The following GNS variants were observed in gnomAD, a reference collection of about 807,000 sequenced individuals.
GNS encodes the protein N-acetylglucosamine-6-sulfatase.
GNS carries 40 observed loss-of-function variants against 69.7 expected under a neutral mutation model. The ratio of observed to expected loss-of-function variants is 0.57; its 90% CI spans 0.45 to 0.75. The LOEUF (loss-of-function observed/expected upper bound fraction) is 0.75, where lower values mean the gene tolerates loss of function less well. Ranked by LOEUF, GNS falls within the 30% of genes least tolerant of loss-of-function variation. GNS has a pLI of 0.00. For missense variants in GNS, 565 were observed against 685.5 expected (o/e 0.82, Z 1.96); for synonymous variants, 243 against 251.6 (o/e 0.97, Z 0.32).
chr12:64,739,685 A>C (rs1869671068), intron 7 of GNS, among the ~76,000 whole-genome samples, 186 bp from the exon 8 acceptor site: 1 of 152,104 alleles, frequency 6.6e-6, no homozygotes, highest in Non-Finnish European at 1.5e-5. Context: ...TCAAATCCCC[A>C]ATCTCCATTC....
intron 3 of GNS, among the ~76,000 whole-genome samples, chr12:64,746,527 G>C (rs981288607): frequency 6.6e-6 from 1 of 152,050 alleles, no homozygotes; most frequent in Non-Finnish European, 1.5e-5. Context: ...TTTGGATAAG[G>C]GATAATCTGT....
At chr12:64,752,811 C>T in intron 1 of GNS, 54 bp from the exon 2 acceptor site, 1 of 886,066 alleles carries the variant, frequency 1.1e-6, no homozygotes, top group South Asian at 1.3e-5. Flanking sequence ...AATTGAGACA[C>T]ACAGCCCAGA....
At chr12:64,719,652 T>TA (rs1483234348) in intron 13 of GNS, among the ~76,000 whole-genome samples, 1 of 152,206 alleles carries the variant, frequency 6.6e-6, no homozygotes, top group Non-Finnish European at 1.5e-5. Flanking sequence ...TGAAGGCATA[T>TA]ACTCTTGCAA....
chr12:64,715,513 G>A lies in GNS; in HGVS notation c.*1228C>T, dbSNP rs115625510. 1,127 of 153,924 alleles carry A rather than the reference G, an allele frequency of 7.3e-3. 16 individuals are homozygous for A. Among genetic ancestry groups the A allele is most frequent in the African/African-American group, 0.025 (1,044 of 41,606 alleles). 9.5% of individuals were successfully genotyped at this position (153,924 alleles called of 1,614,324 possible). A position where few individuals can be genotyped will look rare whatever the true frequency, so the allele number is the denominator to read the frequency against. On this transcript the variant is annotated 3_prime_UTR_variant, in exon 14 of 14. Transcript: ENST00000258145. ...AGCCTGGGTGACATAGTGAGACTCT[G>A]TCCCCACTTCTCAAAAATAAAAACA...
At chr12:64,742,170 A>ACCTG (rs1869760751) in intron 6 of GNS, among the ~76,000 whole-genome samples, 1 of 151,936 alleles carries the variant, frequency 6.6e-6, no homozygotes, top group Non-Finnish European at 1.5e-5. Flanking sequence ...ACAGGTGTCC[A>ACCTG]CCACCACGCC....
intron 3 of GNS, among the ~76,000 whole-genome samples, chr12:64,746,930 G>T (rs904283196): frequency 6.6e-6 from 1 of 152,188 alleles, no homozygotes; most frequent in Non-Finnish European, 1.5e-5. Context: ...CAGATATTAA[G>T]ATCTCTAGCA....
chr12:64,723,709 GAA>G (rs1022610875), intron 10 of GNS, among the ~76,000 whole-genome samples: 1 of 152,220 alleles, frequency 6.6e-6, no homozygotes, highest in African/African-American at 2.4e-5. Flanking sequence ...GGTGAAAGGA[GAA>G]AGAATCTAGG....
chr12:64,724,921 G>A (rs572884048), intron 10 of GNS, among the ~76,000 whole-genome samples: 1 of 152,296 alleles, frequency 6.6e-6, no homozygotes, highest in South Asian at 2.1e-4. Context: ...AAGCCAGAAG[G>A]TGGAATTGAG....
At position 64,759,166 on chromosome 12, in the gene GNS, G is replaced by A. The variant is rs1156605468; in HGVS notation, c.111C>T (p.Val37=). The change falls in exon 1 of 14, where the codon GTC becomes GTT. Residue 37 remains valine, a synonymous_variant. Coordinates refer to ENST00000258145, the MANE Select transcript of GNS (RefSeq NM_002076.4). ...TCCGGGTTCCCGCAGCCACCCCGAA[G>A]ACCCCCAGGCAGCCGCCCAGCACCA... ...LLLVLGGCLG[V]FGVAAGTRRP... 1.3e-6 allele frequency: 2 copies of A among 1,553,892 alleles called. No homozygotes were observed. The highest frequency in any genetic ancestry group is 2.2e-4 in the Middle Eastern group (1 of 4,524).
chr12:64,718,157 A>C (rs1429741819), intron 13 of GNS, among the ~76,000 whole-genome samples: 1 of 152,174 alleles, frequency 6.6e-6, no homozygotes, highest in Non-Finnish European at 1.5e-5. Flanking sequence ...AACAGGCCCA[A>C]ATGTTTGATA....
At chr12:64,758,929 T>C (rs1870370794) in intron 1 of GNS, among the ~76,000 whole-genome samples, 156 bp downstream of exon 1, 1 of 152,156 alleles carries the variant, frequency 6.6e-6, no homozygotes, top group Non-Finnish European at 1.5e-5. Context: ...TGCAGTCCCT[T>C]ACACCGGCAT....
chr12:64,747,810 T>C lies in GNS; in HGVS notation c.361A>G (p.Lys121Glu). 3 of 1,607,972 alleles carry C rather than the reference T, an allele frequency of 1.9e-6. No individual in the cohort carries two copies. Among genetic ancestry groups the C allele is most frequent in the Non-Finnish European group, 2.6e-6 (3 of 1,174,286 alleles). Residue 121 changes from lysine (K) to glutamate (E), a missense_variant, in exon 3 of 14, where the codon AAG (lysine) becomes GAG (glutamate). By Grantham distance (56) the Lys-to-Glu change is moderately conservative. Around this residue, in one of 2 missense-constraint regions of GNS, gnomAD observed 181 missense variants for 174.4 expected, o/e 1.04. Transcript: ENST00000258145. ...GGTTCTTGGATCTTCTGCCAGGACT[T>C]ACTACTGCAGTTCCCCTCCAGAGTG... ...NNTLEGNCSS[K>E]SWQKIQEPNT...
Position 64,740,704 on chromosome 12 carries a change from A to C in GNS, c.793-16T>G. On this transcript the variant is annotated splice_polypyrimidine_tract_variant and intron_variant, in intron 6 of 13. Coordinates refer to ENST00000258145, the MANE Select transcript of GNS (RefSeq NM_002076.4). ...AGTGCTTGTTCTAAAATTTAGAAGAAAAAAAATGTTAACACCAAGTCACCA... is the reference window on the plus strand; with the variant it reads ...AGTGCTTGTTCTAAAATTTAGAAGACAAAAAATGTTAACACCAAGTCACCA... 3 of 1,318,656 alleles carry C rather than the reference A, an allele frequency of 2.3e-6. No individual in the cohort carries two copies. The highest frequency in any genetic ancestry group is 3.3e-6 in the Non-Finnish European group (3 of 911,112). The allele number at this position is 1,318,656 out of a possible 1,614,324, so 81.7% of individuals were successfully genotyped here. A position where few individuals can be genotyped will look rare whatever the true frequency, so the allele number is the denominator to read the frequency against.
At position 64,733,745 on chromosome 12, in the gene GNS, G is replaced by A. The variant is rs143301315; in HGVS notation, c.1098+3259C>T. 2.8e-4 allele frequency among the ~76,000 whole-genome samples: 42 copies of A among 152,318 alleles called. 1 individual carries two copies. The East Asian group carries it at 5.6e-3, about 20-fold the overall frequency. On this transcript the variant is annotated intron_variant, in intron 9 of 13. Coordinates refer to ENST00000258145, the MANE Select transcript of GNS (RefSeq NM_002076.4). Reference sequence around the variant, plus strand: ...TGATTTTGTCCAAAGCCAACAGGTCGTCTTCCTGACTCCCAGTTCAGTTCT... The same window carrying A: ...TGATTTTGTCCAAAGCCAACAGGTCATCTTCCTGACTCCCAGTTCAGTTCT...
intron 10 of GNS, among the ~76,000 whole-genome samples, chr12:64,727,695 T>C (rs1387715778): frequency 1.3e-5 from 2 of 152,120 alleles, no homozygotes; most frequent in Middle Eastern, 3.2e-3. Flanking sequence ...AACAAATCTA[T>C]ACAGACGTAA....
Position 64,729,062 on chromosome 12 carries a change from G to C in GNS, c.1099-5C>G, listed in dbSNP as rs1277798355. On this transcript the variant is annotated splice_polypyrimidine_tract_variant and splice_region_variant and intron_variant, in intron 9 of 13. Coordinates refer to ENST00000258145, the MANE Select transcript of GNS (RefSeq NM_002076.4). ...GTCAATGTTGGCAACCAGCATCTAT[G>C]AGAATGAGGGAAAAACAATCTAGAA... The C allele has an allele frequency of 6.9e-7, 1 of 1,452,022 alleles. No homozygotes were observed. Among genetic ancestry groups the C allele is most frequent in the Non-Finnish European group, 9.7e-7 (1 of 1,032,212 alleles). The allele number at this position is 1,452,022 out of a possible 1,614,324, so 89.9% of individuals were successfully genotyped here.
At position 64,721,687 on chromosome 12, in the gene GNS, C is replaced by T. The variant is rs772152055; in HGVS notation, c.1327G>A (p.Val443Ile). ...GTATTGTTATAAGCATCTTCACATACACAGTCTGGGAAGCATTGCTGTAGG... is the reference window on the plus strand; with the variant it reads ...GTATTGTTATAAGCATCTTCACATATACAGTCTGGGAAGCATTGCTGTAGG... ...PGVSQCFPDC[V>I]CEDAYNNTYA... Residue 443 changes from valine to isoleucine, a missense_variant, in exon 12 of 14, where the codon GTA becomes ATA. Around this residue, in one of 2 missense-constraint regions of GNS, gnomAD observed 384 missense variants for 511.0 expected, o/e 0.75. Coordinates refer to ENST00000258145, the MANE Select transcript of GNS (RefSeq NM_002076.4). 6 of 1,549,938 alleles carry T rather than the reference C, an allele frequency of 3.9e-6. No individual in the cohort carries two copies. The highest frequency in any genetic ancestry group is 1.4e-5 in the African/African-American group (1 of 73,810).
intron 11 of GNS, among the ~76,000 whole-genome samples, chr12:64,722,665 C>G (rs1270152868): frequency 6.6e-6 from 1 of 152,220 alleles, no homozygotes; most frequent in Non-Finnish European, 1.5e-5. Context: ...GGAACCACAT[C>G]TCTCTACTGC....
At chr12:64,736,244 C>T (rs557269918) in intron 9 of GNS, among the ~76,000 whole-genome samples, 43 of 152,202 alleles carry the variant, frequency 2.8e-4, no homozygotes, top group African/African-American at 9.9e-4. Context: ...TTAGGTACCA[C>T]GTTTAGAAAA....
Sources: allele counts gnomAD v4.1 joint callset (sites outside exome capture counted in the v4.1 genomes callset), GRCh38; gene constraint gnomAD v4.1.1; regional missense constraint gnomAD v4.1.1; transcripts MANE v1.5; gene names NCBI Gene and HGNC (gene_info 2026-07-23, HGNC 2026-07-21).